Variants in ROBO2 observed in about 807,000 individuals in gnomAD.
ROBO2 encodes roundabout guidance receptor 2, also known as roundabout homolog 2.
In ROBO2, 53 loss-of-function variants were observed where a neutral mutation model predicts 160.8. The observed-to-expected ratio is 0.33, with a 90% CI of 0.26 to 0.41. The LOEUF is 0.41. ROBO2 is among the 10% of genes least tolerant of loss of function. The probability of loss-of-function intolerance (pLI) is 1.00; values close to 1 mark genes in which losing one functional copy is unlikely to be tolerated. For missense variants in ROBO2, 1,577 were observed against 1,722.4 expected (o/e 0.92, Z 1.49); for synonymous variants, 664 against 611.7 (o/e 1.09, Z -1.26).
At position 77,006,168 on chromosome 3, in the gene ROBO2, T is replaced by C. The variant is rs1256180427; in HGVS notation, c.110-91846T>C. ...TAGTCTTTCCTGCCTGTTATGTTTG[T>C]TAAGGATTCACTGTACCTTTAAGAC... On this transcript the variant is annotated intron_variant, in intron 2 of 26. Coordinates refer to the ROBO2 transcript ENST00000487694. Among the ~76,000 whole-genome samples, 7 of 152,126 alleles carry C rather than the reference T, an allele frequency of 4.6e-5. No homozygotes were observed. In the East Asian group the frequency reaches 1.3e-3, roughly 29 times the overall value.
At chr3:77,626,678 G>C (rs2095034310) in intron 23 of ROBO2, among the ~76,000 whole-genome samples, 1 of 152,168 alleles carries the variant, frequency 6.6e-6, no homozygotes, top group South Asian at 2.1e-4. Flanking sequence ...ACAGAAGGCA[G>C]TAGGAGAGAG....
At chr3:76,929,696 C>G (rs1196826086) in intron 2 of ROBO2, among the ~76,000 whole-genome samples, 2 of 152,098 alleles carry the variant, frequency 1.3e-5, no homozygotes, top group Non-Finnish European at 2.9e-5. Flanking sequence ...GTGTGTGGAT[C>G]TCAGGGTAGA....
intron 2 of ROBO2, among the ~76,000 whole-genome samples, chr3:77,370,803 TG>T (rs1166120490): frequency 1.3e-5 from 2 of 152,228 alleles, no homozygotes; most frequent in Non-Finnish European, 2.9e-5. Flanking sequence ...ACTTATTTTT[TG>T]TACTACCACA....
intron 2 of ROBO2, among the ~76,000 whole-genome samples, chr3:77,014,870 T>C (rs2062142545): frequency 6.6e-6 from 1 of 152,336 alleles, no homozygotes; most frequent in South Asian, 2.1e-4. Flanking sequence ...TTTTGTTGAA[T>C]AATGGATCTT....
intron 2 of ROBO2, among the ~76,000 whole-genome samples, chr3:77,325,821 T>C (rs1480771623): frequency 1.3e-5 from 2 of 152,128 alleles, no homozygotes; most frequent in Non-Finnish European, 2.9e-5. Flanking sequence ...AGAGGATAAA[T>C]AGTATTATTT....
intron 21 of ROBO2, among the ~76,000 whole-genome samples, chr3:77,610,938 C>T (rs529779542): frequency 2.0e-5 from 3 of 151,886 alleles, no homozygotes; most frequent in East Asian, 3.9e-4. Flanking sequence ...CCTCATATTG[C>T]ACTTAACTGC....
At chr3:77,147,763 G>A (rs2077229755) in intron 2 of ROBO2, among the ~76,000 whole-genome samples, 1 of 152,120 alleles carries the variant, frequency 6.6e-6, no homozygotes, top group Admixed American at 6.5e-5. Flanking sequence ...AAGTTACACA[G>A]GCAGATAGTT....
chr3:76,673,874 C>G (rs1242313892), intron 2 of ROBO2, among the ~76,000 whole-genome samples: 1 of 152,106 alleles, frequency 6.6e-6, no homozygotes, highest in East Asian at 1.9e-4. Context: ...CCTTAATCAC[C>G]AGAAAATCAA....
At chr3:77,336,147 A>G (rs2066473470) in intron 2 of ROBO2, among the ~76,000 whole-genome samples, 2 of 152,122 alleles carry the variant, frequency 1.3e-5, no homozygotes, top group African/African-American at 4.8e-5. Context: ...AAAGGAGATA[A>G]ACCAAGGGTT....
intron 2 of ROBO2, among the ~76,000 whole-genome samples, chr3:76,775,503 T>C (rs1372353836): frequency 1.3e-5 from 2 of 150,880 alleles, no homozygotes; most frequent in African/African-American, 2.4e-5. Flanking sequence ...ATTACTTTTA[T>C]CTACTTCATT....
At chr3:76,385,603 T>A (rs1028878716) in intron 2 of ROBO2, among the ~76,000 whole-genome samples, 2 of 152,236 alleles carry the variant, frequency 1.3e-5, no homozygotes, top group African/African-American at 4.8e-5. Context: ...AAATAGAATT[T>A]GCATAATCAC....
chr3:77,354,156 G>C (rs528053877), intron 2 of ROBO2, among the ~76,000 whole-genome samples: 2 of 152,128 alleles, frequency 1.3e-5, no homozygotes, highest in African/African-American at 2.4e-5. Context: ...ACCCCCAGAA[G>C]AGATAGATCT....
intron 2 of ROBO2, among the ~76,000 whole-genome samples, chr3:75,948,232 T>G (rs1435246788): frequency 6.6e-6 from 1 of 152,020 alleles, no homozygotes; most frequent in Non-Finnish European, 1.5e-5. Flanking sequence ...AATAAGGAAC[T>G]TCTACATTTT....
intron 2 of ROBO2, among the ~76,000 whole-genome samples, chr3:76,106,603 G>A (rs1258165484): frequency 6.6e-6 from 1 of 151,904 alleles, no homozygotes; most frequent in East Asian, 1.9e-4. Context: ...CTCTTCCATG[G>A]CCTCAAATAA....
intron 2 of ROBO2, among the ~76,000 whole-genome samples, chr3:77,178,453 A>C (rs1579679468): frequency 6.6e-6 from 1 of 152,050 alleles, no homozygotes; most frequent in East Asian, 1.9e-4. Flanking sequence ...AACAGCAATG[A>C]TCTCAAATCT....
intron 2 of ROBO2, among the ~76,000 whole-genome samples, chr3:76,604,685 T>C (rs2087500695): frequency 6.6e-6 from 1 of 152,188 alleles, no homozygotes; most frequent in Admixed American, 6.5e-5. Flanking sequence ...GTTATGCTAC[T>C]CAAATGCCAG....
At chr3:76,813,724 C>T (rs2065404156) in intron 2 of ROBO2, among the ~76,000 whole-genome samples, 1 of 152,092 alleles carries the variant, frequency 6.6e-6, no homozygotes, top group African/African-American at 2.4e-5. Context: ...CACCTTGATA[C>T]ATACACATAT....
chr3:76,911,582 G>A (rs948319667), intron 2 of ROBO2, among the ~76,000 whole-genome samples: 3 of 152,154 alleles, frequency 2.0e-5, no homozygotes, highest in African/African-American at 7.2e-5. Context: ...AAGTGTGTCA[G>A]CAGTTCCTAT....
chr3:76,511,353 A>G (rs957317746), intron 2 of ROBO2, among the ~76,000 whole-genome samples: 2 of 152,196 alleles, frequency 1.3e-5, no homozygotes, highest in Non-Finnish European at 2.9e-5. Context: ...TGGTTTCACA[A>G]ACATTTTGTA....
Sources: gnomAD v4.1 joint callset for allele counts (sites outside exome capture counted in the v4.1 genomes callset) on GRCh38, gnomAD v4.1.1 for gene constraint, MANE v1.5 for transcripts, NCBI Gene and HGNC (gene_info 2026-07-23, HGNC 2026-07-21) for gene names.